NDFIP1: variants seen among roughly 807,000 people sequenced by gnomAD.
NDFIP1 encodes Nedd4 family interacting protein 1, also known as NEDD4 family-interacting protein 1.
In NDFIP1, 7 loss-of-function variants were observed where a neutral mutation model predicts 28.8. The ratio of observed to expected loss-of-function variants is 0.24; its 90% CI spans 0.14 to 0.46. The LOEUF (loss-of-function observed/expected upper bound fraction) is 0.46. Among genes scored for constraint, NDFIP1 ranks in the 20% least tolerant of loss-of-function variants. NDFIP1 has a pLI of 0.99. For synonymous variants in NDFIP1, 92 were observed against 101.0 expected (o/e 0.91, Z 0.53); for missense variants, 194 against 269.1 (o/e 0.72, Z 1.95).
Position 142,131,691 on chromosome 5 carries a change from A to G in NDFIP1, c.64-117A>G, listed in dbSNP as rs949473474. On this transcript the variant is annotated intron_variant, in intron 1 of 7. Transcript: ENST00000253814. ...TTTCTTAAAGGATTTGTGCATTTCA[A>G]GGCTTTCAAAATACGTTGCCAAATA... 6 of 678,218 alleles carry G rather than the reference A, an allele frequency of 8.8e-6. No homozygotes were observed. In the South Asian group the frequency reaches 1.5e-4, roughly 17 times the overall value. The allele number at this position is 678,218 out of a possible 1,614,324, so 42.0% of individuals were successfully genotyped here. A position where few individuals can be genotyped will look rare whatever the true frequency, so the allele number is the denominator to read the frequency against.
intron 1 of NDFIP1, among the ~76,000 whole-genome samples, chr5:142,131,487 A>G (rs1362361755): frequency 6.6e-6 from 1 of 152,144 alleles, no homozygotes; most frequent in Non-Finnish European, 1.5e-5. Flanking sequence ...GTTGGCCAGG[A>G]TGGCAAAATT....
intron 3 of NDFIP1, among the ~76,000 whole-genome samples, chr5:142,134,977 G>A (rs1292761958): frequency 6.6e-6 from 1 of 151,816 alleles, no homozygotes; most frequent in Non-Finnish European, 1.5e-5. Flanking sequence ...TGAGCTGGTT[G>A]ATTTTATCTT....
intron 1 of NDFIP1, among the ~76,000 whole-genome samples, chr5:142,123,897 A>C (rs1459751446): frequency 6.6e-6 from 1 of 152,170 alleles, no homozygotes; most frequent in Non-Finnish European, 1.5e-5. Flanking sequence ...GAAGTGGAGA[A>C]AAAGAACTCA....
rs1000768353 is a variant in NDFIP1, at chr5:142,141,238, T to C, written c.562+609T>C. On this transcript the variant is annotated intron_variant, in intron 6 of 7. Coordinates refer to ENST00000253814, the MANE Select transcript of NDFIP1 (RefSeq NM_030571.4). ...TCGCACAGGCTGGAGTGCAGTGGCG[T>C]GATCTCGGCTCACTGCAAGCTCCAC... Among the ~76,000 whole-genome samples, 37 of 138,372 alleles carry C rather than the reference T, an allele frequency of 2.7e-4. 1 individual carries two copies. Among genetic ancestry groups the C allele is most frequent in the South Asian group, 5.0e-4 (2 of 3,976 alleles). The allele number at this position is 138,372 out of a possible 152,430, so 90.8% of individuals were successfully genotyped here.
At chr5:142,111,367 ATAAT>A (rs1399893001) in intron 1 of NDFIP1, among the ~76,000 whole-genome samples, 2 of 152,126 alleles carry the variant, frequency 1.3e-5, no homozygotes, top group African/African-American at 4.8e-5. Context: ...TGGCTGAATC[ATAAT>A]TTAACTAATT....
At chr5:142,139,738 A>G (rs1239900666) in intron 5 of NDFIP1, among the ~76,000 whole-genome samples, 1 of 152,132 alleles carries the variant, frequency 6.6e-6, no homozygotes, top group Non-Finnish European at 1.5e-5. Flanking sequence ...GAAGAAAATC[A>G]GGCCTCATTA....
chr5:142,149,245 CTTCTT>C (rs1203949030), intron 7 of NDFIP1, among the ~76,000 whole-genome samples: 1 of 151,958 alleles, frequency 6.6e-6, no homozygotes, highest in African/African-American at 2.4e-5. Context: ...TTCCTTAATA[CTTCTT>C]TTATTTTATT....
intron 1 of NDFIP1, among the ~76,000 whole-genome samples, chr5:142,118,070 C>G (rs1180877315): frequency 1.3e-5 from 2 of 152,140 alleles, no homozygotes; most frequent in Admixed American, 1.3e-4. Context: ...ACTGAGAAGA[C>G]AGTAGAGAGT....
Position 142,137,822 on chromosome 5 carries a change from T to C in NDFIP1, c.459T>C (p.Phe153=). ...AAGRYGAISG[F]GLSLIKWILI... ...GAAGGTATGGGGCCATTTCAGGATT[T>C]GGTCTCTCTCTAATTAAATGGATCC... Residue 153 remains phenylalanine (F), a synonymous_variant, in exon 5 of 8, where the codon TTT becomes TTC. Transcript: ENST00000253814. The C allele has an allele frequency of 6.2e-7, 1 of 1,614,208 alleles. No homozygotes were observed. Among genetic ancestry groups the C allele is most frequent in the Non-Finnish European group, 8.5e-7 (1 of 1,180,024 alleles).
Position 142,135,496 on chromosome 5 carries a change from G to A in NDFIP1, c.283-234G>A, listed in dbSNP as rs890542896. Among the ~76,000 whole-genome samples, 3 of 152,074 alleles carry A rather than the reference G, an allele frequency of 2.0e-5. No individual in the cohort carries two copies. In the East Asian group the frequency reaches 5.8e-4, roughly 29 times the overall value. On this transcript the variant is annotated intron_variant, in intron 3 of 7. Coordinates refer to ENST00000253814, the MANE Select transcript of NDFIP1 (RefSeq NM_030571.4). Reference sequence around the variant, plus strand: ...TGAAGTGTATTGTTAAAGAACTTGGGTTATAAGATGAAAATTTCATTTAGA... The same window carrying A: ...TGAAGTGTATTGTTAAAGAACTTGGATTATAAGATGAAAATTTCATTTAGA...
At position 142,153,220 on chromosome 5, in the gene NDFIP1, T is replaced by C. The variant is rs1221038869; in HGVS notation, c.*1492T>C. 1.3e-5 allele frequency: 6 copies of C among 451,256 alleles called. No homozygotes were observed. In the Admixed American group the frequency reaches 1.4e-4, roughly 11 times the overall value. 28.0% of individuals were successfully genotyped at this position (451,256 alleles called of 1,614,324 possible). A position where few individuals can be genotyped will look rare whatever the true frequency, so the allele number is the denominator to read the frequency against. ...CTGATTTCTATTCTTGTCTCAATCT[T>C]AAATTTAGAGACCAGTTGTTTTTAT... On this transcript the variant is annotated 3_prime_UTR_variant, in exon 8 of 8. Coordinates refer to ENST00000253814, the MANE Select transcript of NDFIP1 (RefSeq NM_030571.4).
chr5:142,127,562 C>T lies in NDFIP1; in HGVS notation c.64-4246C>T, dbSNP rs183676713. ...GGTGATTGGATTATTTATTTCTTAG[C>T]GATGGAGGCATAGGTAGTTATAGGT... On this transcript the variant is annotated intron_variant, in intron 1 of 7. Transcript: ENST00000253814. Among the ~76,000 whole-genome samples, 2 of 152,210 alleles carry T rather than the reference C, an allele frequency of 1.3e-5. 1 individual carries two copies. The highest frequency in any genetic ancestry group is 1.3e-4 in the Admixed American group (2 of 15,272).
At chr5:142,150,112 CGG>C (rs1757429818) in intron 7 of NDFIP1, among the ~76,000 whole-genome samples, 1 of 147,330 alleles carries the variant, frequency 6.8e-6, no homozygotes, top group Non-Finnish European at 1.5e-5. Context: ...ACCCGGGGGG[CGG>C]AGCTTGCAGT....
intron 7 of NDFIP1, among the ~76,000 whole-genome samples, chr5:142,147,036 G>C (rs1757396457): frequency 6.6e-6 from 1 of 152,132 alleles, no homozygotes; most frequent in African/African-American, 2.4e-5. Context: ...GTTAAGAGTT[G>C]TCAGAAACTT....
At chr5:142,147,028 T>G (rs1029294907) in intron 7 of NDFIP1, among the ~76,000 whole-genome samples, 8 of 152,174 alleles carry the variant, frequency 5.3e-5, no homozygotes, top group African/African-American at 1.7e-4. Flanking sequence ...GAGTGTACGT[T>G]AAGAGTTGTC....
intron 1 of NDFIP1, among the ~76,000 whole-genome samples, chr5:142,122,168 A>G (rs766882305): frequency 2.6e-5 from 4 of 152,340 alleles, no homozygotes; most frequent in Non-Finnish European, 5.9e-5. Context: ...CAGCACTCCA[A>G]AAGATCCCTT....
chr5:142,124,268 AC>A (rs1757148388), intron 1 of NDFIP1, among the ~76,000 whole-genome samples: 1 of 152,208 alleles, frequency 6.6e-6, no homozygotes, highest in Admixed American at 6.5e-5. Flanking sequence ...CAGTGCTACT[AC>A]CATAACCATG....
At chr5:142,109,122 C>A (rs971188338) in intron 1 of NDFIP1, 85 bp downstream of exon 1, 5 of 1,168,844 alleles carry the variant, frequency 4.3e-6, no homozygotes, top group Non-Finnish European at 5.4e-6. Context: ...CTGGCCGGCC[C>A]GCGGCCAACT....
At chr5:142,138,029 C>A in intron 5 of NDFIP1, 171 bp downstream of exon 5, 1 of 672,092 alleles carries the variant, frequency 1.5e-6, no homozygotes, top group Non-Finnish European at 2.3e-6. Flanking sequence ...GCAAATGGTT[C>A]ATGCACACAA....
Sources: allele counts gnomAD v4.1 joint callset (sites outside exome capture counted in the v4.1 genomes callset), GRCh38; gene constraint gnomAD v4.1.1; transcripts MANE v1.5; gene names NCBI Gene and HGNC (gene_info 2026-07-23, HGNC 2026-07-21).